Variants in CTNND2 observed in about 807,000 individuals in gnomAD.
The protein encoded by CTNND2 is catenin delta-2.
A neutral mutation model predicts 144.4 loss-of-function variants in CTNND2; 22 were observed. The ratio of observed to expected loss-of-function variants is 0.15; its 90% CI spans 0.11 to 0.22. The LOEUF is 0.22. Ranked by LOEUF, CTNND2 falls within the 10% of genes least tolerant of loss-of-function variation. The pLI, the probability that CTNND2 is intolerant of heterozygous loss-of-function variation, is 1.00. For missense variants in CTNND2, 1,353 were observed against 1,618.8 expected, an observed-to-expected ratio of 0.84 and a Z score of 2.82; for synonymous variants, 751 against 695.6, an observed-to-expected ratio of 1.08 and a Z score of -1.25.
At chr5:11,111,781 C>A (rs545956199) in intron 13 of CTNND2, among the ~76,000 whole-genome samples, 34 of 152,040 alleles carry the variant, frequency 2.2e-4, no homozygotes, top group Non-Finnish European at 4.0e-4. Flanking sequence ...ATCTTAGGTT[C>A]TTGTGCATTA....
chr5:11,429,629 T>C (rs1239685363), intron 3 of CTNND2, among the ~76,000 whole-genome samples: 1 of 152,204 alleles, frequency 6.6e-6, no homozygotes, highest in African/African-American at 2.4e-5. Context: ...GTTGGTTTAG[T>C]TCCTCTTGGA....
chr5:11,386,319 G>C (rs867186272), intron 6 of CTNND2, among the ~76,000 whole-genome samples: 1 of 152,158 alleles, frequency 6.6e-6, no homozygotes, highest in Non-Finnish European at 1.5e-5. Context: ...TGAGAGGTGG[G>C]TGGGGAGGAG....
At chr5:11,322,290 C>A (rs1282048434) in intron 9 of CTNND2, among the ~76,000 whole-genome samples, 1 of 152,124 alleles carries the variant, frequency 6.6e-6, no homozygotes, top group African/African-American at 2.4e-5. Flanking sequence ...AACTGCAGGT[C>A]TGTCATTTTC....
At chr5:11,316,190 TTACTAGCCGCCA>T (rs887423231) in intron 9 of CTNND2, among the ~76,000 whole-genome samples, 12 of 152,156 alleles carry the variant, frequency 7.9e-5, no homozygotes, top group Non-Finnish European at 1.8e-4. Flanking sequence ...TATTGAACAA[TTACTAGCCGCCA>T]GGTATATTCT....
intron 2 of CTNND2, among the ~76,000 whole-genome samples, chr5:11,585,754 T>G (rs926753516): frequency 6.6e-6 from 1 of 151,598 alleles, no homozygotes; most frequent in Admixed American, 6.6e-5. Context: ...TTAAGTAGAA[T>G]AATTAAGAAC....
chr5:11,537,429 A>G (rs564792425), intron 3 of CTNND2, among the ~76,000 whole-genome samples: 17 of 152,302 alleles, frequency 1.1e-4, no homozygotes, highest in Non-Finnish European at 2.2e-4. Flanking sequence ...AGTGTTAAAC[A>G]TCTTATTTGA....
At chr5:11,633,970 C>T (rs549933230) in intron 2 of CTNND2, among the ~76,000 whole-genome samples, 1 of 152,184 alleles carries the variant, frequency 6.6e-6, no homozygotes, top group African/African-American at 2.4e-5. Flanking sequence ...TTTCCCCCCT[C>T]ATGACATCTG....
At chr5:11,679,859 C>T (rs968921500) in intron 2 of CTNND2, among the ~76,000 whole-genome samples, 4 of 152,252 alleles carry the variant, frequency 2.6e-5, no homozygotes, top group South Asian at 2.1e-4. Flanking sequence ...CTCATGGAGG[C>T]GGCATCCCAG....
intron 1 of CTNND2, among the ~76,000 whole-genome samples, chr5:11,748,086 G>A (rs575577082): frequency 6.6e-6 from 1 of 152,196 alleles, no homozygotes; most frequent in East Asian, 1.9e-4. Flanking sequence ...GTATCAATCA[G>A]TGTTTTAAAA....
At chr5:11,163,569 C>T (rs140834229) in intron 11 of CTNND2, among the ~76,000 whole-genome samples, 1 of 152,294 alleles carries the variant, frequency 6.6e-6, no homozygotes, top group East Asian at 1.9e-4. Flanking sequence ...CTCCCACTCT[C>T]TCTGTTGCTT....
intron 1 of CTNND2, among the ~76,000 whole-genome samples, chr5:11,862,312 C>T (rs7703042): frequency 0.95 from 144,872 of 152,264 alleles, 69,290 homozygotes; most frequent in East Asian, 1. Flanking sequence ...AATGAAGGCA[C>T]TTGTTATAGT....
intron 3 of CTNND2, among the ~76,000 whole-genome samples, chr5:11,473,962 C>T (rs1323280830): frequency 6.6e-6 from 1 of 152,206 alleles, no homozygotes; most frequent in South Asian, 2.1e-4. Flanking sequence ...ATCTTGTGAC[C>T]ATGTTTGGCT....
intron 11 of CTNND2, among the ~76,000 whole-genome samples, chr5:11,189,205 C>G (rs1441727941): frequency 6.6e-6 from 1 of 152,160 alleles, no homozygotes; most frequent in Non-Finnish European, 1.5e-5. Context: ...CTCCATGTGG[C>G]TCCTTGAAAA....
At chr5:11,419,899 AT>A (rs1762232168) in intron 3 of CTNND2, among the ~76,000 whole-genome samples, 1 of 152,218 alleles carries the variant, frequency 6.6e-6, no homozygotes, top group African/African-American at 2.4e-5. Flanking sequence ...CATGTGGTGT[AT>A]TATTGCTCAC....
intron 2 of CTNND2, among the ~76,000 whole-genome samples, chr5:11,728,821 C>T (rs1190840843): frequency 6.6e-6 from 1 of 151,956 alleles, no homozygotes; most frequent in East Asian, 1.9e-4. Context: ...TATTTTAAAA[C>T]TCTTTACATA....
intron 1 of CTNND2, among the ~76,000 whole-genome samples, chr5:11,824,628 T>C (rs1345039996): frequency 2.0e-5 from 3 of 152,150 alleles, no homozygotes; most frequent in Non-Finnish European, 4.4e-5. Flanking sequence ...AACTCTCTCC[T>C]ACCCAAGAAA....
chr5:11,389,481 C>T (rs1759422953), intron 6 of CTNND2, among the ~76,000 whole-genome samples: 1 of 135,564 alleles, frequency 7.4e-6, no homozygotes, highest in Non-Finnish European at 1.7e-5. Flanking sequence ...ACAATTTTTA[C>T]ATTACATGGT....
chr5:11,620,399 A>G (rs956601968), intron 2 of CTNND2, among the ~76,000 whole-genome samples: 7 of 152,218 alleles, frequency 4.6e-5, no homozygotes, highest in Non-Finnish European at 7.3e-5. Flanking sequence ...CAGAGAGCAC[A>G]CAATCCAGGA....
intron 16 of CTNND2, among the ~76,000 whole-genome samples, chr5:11,045,153 G>A (rs1270911562): frequency 6.6e-6 from 1 of 152,222 alleles, no homozygotes; most frequent in Non-Finnish European, 1.5e-5. Context: ...GATTGGGGCT[G>A]TGTCTTAGTC....
Sources: gnomAD v4.1 joint callset for allele counts (sites outside exome capture counted in the v4.1 genomes callset) on GRCh38, gnomAD v4.1.1 for gene constraint, MANE v1.5 for transcripts, NCBI Gene and HGNC (gene_info 2026-07-23, HGNC 2026-07-21) for gene names.